ARHGAP45: variants seen among roughly 807,000 people sequenced by gnomAD.
ARHGAP45 encodes the protein Rho GTPase activating protein 45, also known as rho GTPase-activating protein 45.
A neutral mutation model predicts 116.1 loss-of-function variants in ARHGAP45; 56 were observed. The ratio of observed to expected loss-of-function variants is 0.48; its 90% CI spans 0.39 to 0.60. ARHGAP45 has a LOEUF of 0.60. ARHGAP45 is among the 20% of genes least tolerant of loss of function. The pLI is 0.00. For synonymous variants in ARHGAP45, 866 were observed against 701.7 expected, an observed-to-expected ratio of 1.23 and a Z score of -3.70; for missense variants, 1,622 against 1,601.0, an observed-to-expected ratio of 1.01 and a Z score of -0.22.
intron 19 of ARHGAP45, 98 bp downstream of exon 19, chr19:1,082,059 T>C (rs2043453828): frequency 1.6e-6 from 1 of 643,164 alleles, no homozygotes; most frequent in Non-Finnish European, 2.0e-6. Context: ...AGGACTGAGC[T>C]GGAGCAGGAC....
At position 1,086,090 on chromosome 19, in the gene ARHGAP45, T is replaced by TA; in HGVS notation, c.*84_*85insA. On this transcript the variant is annotated 3_prime_UTR_variant, in exon 23 of 23. Transcript: ENST00000313093. ...CACGTCCCCTGCACCACGGCATAGC[T>TA]TAGGTGCGCCGTCCTGGGGTCGCTG... 1 of 1,263,012 alleles carries TA rather than the reference T, an allele frequency of 7.9e-7. No homozygotes were observed. The highest frequency in any genetic ancestry group is 1.1e-6 in the Non-Finnish European group (1 of 898,996). The allele number at this position is 1,263,012 out of a possible 1,614,324, so 78.2% of individuals were successfully genotyped here.
chr19:1,085,216 G>A (rs927908148), intron 22 of ARHGAP45, among the ~76,000 whole-genome samples: 1 of 152,186 alleles, frequency 6.6e-6, no homozygotes, highest in African/African-American at 2.4e-5. Context: ...ATGGATGGTG[G>A]CAGGCAAAGG....
chr19:1,082,865 G>T lies in ARHGAP45; in HGVS notation c.2543G>T (p.Arg848Leu). Residue 848 changes from arginine (R) to leucine (L), a missense_variant, in exon 20 of 23, where the codon CGC becomes CTC. This residue lies in a region of ARHGAP45 where 1,334 missense variants were observed against 1,263.8 expected (regional missense o/e 1.06). Coordinates refer to ENST00000313093, the MANE Select transcript of ARHGAP45 (RefSeq NM_012292.5). Reference protein sequence around the residue: ...RQLPEPLISFRLYHELVGLAK... With the variant: ...RQLPEPLISFLLYHELVGLAK... ...CTTCCCGAGCCGCTCATCTCCTTCCGCCTCTACCACGAGCTCGTAGGGCTG... is the reference window on the plus strand; with the variant it reads ...CTTCCCGAGCCGCTCATCTCCTTCCTCCTCTACCACGAGCTCGTAGGGCTG... The T allele has an allele frequency of 6.4e-7, 1 of 1,557,142 alleles. No individual in the cohort carries two copies. Among genetic ancestry groups the T allele is most frequent in the Non-Finnish European group, 8.7e-7 (1 of 1,151,578 alleles).
In ARHGAP45 at chr19:1,086,438, C is replaced by T. The variant is rs113540135; in HGVS notation, c.*432C>T. The T allele has an allele frequency of 2.6e-4, 45 of 174,488 alleles. No homozygotes were observed. The South Asian group carries it at 5.2e-3, about 20-fold the overall frequency. The allele number at this position is 174,488 out of a possible 1,614,324, so 10.8% of individuals were successfully genotyped here. A position where few individuals can be genotyped will look rare whatever the true frequency, so the allele number is the denominator to read the frequency against. On this transcript the variant is annotated 3_prime_UTR_variant, in exon 23 of 23. Transcript: ENST00000313093. ...CCATTCTGGGAGCCGTGGATGGGGG[C>T]GGAGCTGGGGTTTGGTGCAGTTTCC...
At chr19:1,082,306 C>G (rs1338616297) in intron 19 of ARHGAP45, among the ~76,000 whole-genome samples, 1 of 148,370 alleles carries the variant, frequency 6.7e-6, no homozygotes, top group Non-Finnish European at 1.5e-5. Context: ...CTCGGTGGGG[C>G]GTGGCCAGAG....
chr19:1,083,114 T>C (rs1305444940), intron 20 of ARHGAP45, 29 bp from the exon 21 acceptor site: 2 of 1,586,852 alleles, frequency 1.3e-6, no homozygotes. Context: ...CGGGAGCCGC[T>C]CAGCACCTGG....
intron 10 of ARHGAP45, among the ~76,000 whole-genome samples, chr19:1,076,144 C>A (rs990611558): frequency 6.6e-6 from 1 of 152,100 alleles, no homozygotes; most frequent in African/African-American, 2.4e-5. Context: ...AAGCTTGTGC[C>A]CCTGTCTCAA....
chr19:1,066,271 A>C, upstream of ARHGAP45: 4 of 582,936 alleles, frequency 6.9e-6, no homozygotes, highest in Admixed American at 3.5e-5. Flanking sequence ...GAGAGAGTTC[A>C]CACTGCGGGG....
chr19:1,084,098 G>T (rs945563566), intron 21 of ARHGAP45, 140 bp from the exon 22 acceptor site: 7 of 749,548 alleles, frequency 9.3e-6, no homozygotes, highest in Non-Finnish European at 1.6e-5. Context: ...GGTTTCTCGG[G>T]TTTGCTCTTG....
chr19:1,078,350 A>C (rs1190705017), intron 11 of ARHGAP45, among the ~76,000 whole-genome samples: 1 of 151,844 alleles, frequency 6.6e-6, no homozygotes, highest in East Asian at 1.9e-4. Context: ...TCACTGTGTT[A>C]GCCAGGATGG....
Position 1,073,928 on chromosome 19 carries a change from C to A in ARHGAP45, c.724-20C>A. The A allele has an allele frequency of 6.5e-7, 1 of 1,542,684 alleles. No individual in the cohort carries two copies. The highest frequency in any genetic ancestry group is 8.7e-7 in the Non-Finnish European group (1 of 1,143,418). ...AGGGCCCCGCATGGGGCTGGTCTCA[C>A]CTGCGTCTCCGTCCTACAGTCCATG... On this transcript the variant is annotated intron_variant, in intron 5 of 22. Coordinates refer to ENST00000313093, the MANE Select transcript of ARHGAP45 (RefSeq NM_012292.5).
intron 17 of ARHGAP45, 63 bp from the exon 18 acceptor site, chr19:1,081,487 C>T (rs1372325707): frequency 3.5e-6 from 5 of 1,409,164 alleles, no homozygotes; most frequent in Non-Finnish European, 4.7e-6. Flanking sequence ...GGGGTGGAGC[C>T]GCTGGGGGCT....
Position 1,085,886 on chromosome 19 carries a change from C to A in ARHGAP45, c.3291C>A (p.Leu1097=). ...DGDEDGPAQQ[L]SGFNTNQSNN... ...ACGAGGACGGCCCGGCCCAGCAGCT[C>A]TCAGGATTCAACACCAACCAGTCCA... The change falls in exon 23 of 23, where the codon CTC becomes CTA. Residue 1097 remains leucine (L), a synonymous_variant. Coordinates refer to ENST00000313093, the MANE Select transcript of ARHGAP45 (RefSeq NM_012292.5). 1 of 1,612,912 alleles carries A rather than the reference C, an allele frequency of 6.2e-7. No homozygotes were observed. The highest frequency in any genetic ancestry group is 8.5e-7 in the Non-Finnish European group (1 of 1,179,960).
rs1366536223 is a variant in ARHGAP45, at chr19:1,079,241, C to G, written c.1375-462C>G. 4.0e-5 allele frequency among the ~76,000 whole-genome samples: 6 copies of G among 151,508 alleles called. No homozygotes were observed. The South Asian group carries it at 6.3e-4, about 16-fold the overall frequency. ...TCAGGCTGAGTGTGGTGGCTCACAC[C>G]TGTAATCCCAGCCCTTTGGGAGGCT... On this transcript the variant is annotated intron_variant, in intron 11 of 22. Coordinates refer to ENST00000313093, the MANE Select transcript of ARHGAP45 (RefSeq NM_012292.5).
At position 1,074,367 on chromosome 19, in the gene ARHGAP45, A is replaced by G; in HGVS notation, c.953A>G (p.Gln318Arg). ...GAGATGGAGTTTGCCAAGGGCCTGC[A>G]GAAGATCGCTCACAACTGCAGACAG... ...TLEMEFAKGL[Q>R]KIAHNCRQSV... is the part of the protein sequence containing the mutation. Residue 318 changes from glutamine to arginine, a missense_variant, in exon 8 of 23, where the codon CAG (glutamine) becomes CGG (arginine). Coordinates refer to ENST00000313093, the MANE Select transcript of ARHGAP45 (RefSeq NM_012292.5). 1 of 1,605,024 alleles carries G rather than the reference A, an allele frequency of 6.2e-7. No individual in the cohort carries two copies. Among genetic ancestry groups the G allele is most frequent in the East Asian group, 2.2e-5 (1 of 44,714 alleles).
intron 2 of ARHGAP45, among the ~76,000 whole-genome samples, chr19:1,072,376 T>G (rs924301236): frequency 6.6e-6 from 1 of 152,202 alleles, no homozygotes; most frequent in Admixed American, 6.5e-5. Context: ...GCTTTTTTCT[T>G]CTTCCAATTG....
chr19:1,076,359 C>T (rs2043247727), intron 10 of ARHGAP45, among the ~76,000 whole-genome samples: 2 of 152,058 alleles, frequency 1.3e-5, no homozygotes, highest in African/African-American at 2.4e-5. Context: ...TATTAGAGAA[C>T]TTAGGCCTTA....
chr19:1,074,307 T>C (rs375278742), intron 7 of ARHGAP45, 36 bp from the exon 8 acceptor site: 265 of 1,611,786 alleles, frequency 1.6e-4, no homozygotes, highest in Non-Finnish European at 2.1e-4. Context: ...TGGGAAGGCC[T>C]TGTCCCAGCA....
Position 1,075,385 on chromosome 19 carries a change from CA to C in ARHGAP45, c.1185+507del, listed in dbSNP as rs1215365524. 3.3e-5 allele frequency among the ~76,000 whole-genome samples: 5 copies of C among 152,076 alleles called. No individual in the cohort carries two copies. In the South Asian group the frequency reaches 6.2e-4, roughly 19 times the overall value. On this transcript the variant is annotated intron_variant, in intron 10 of 22. Transcript: ENST00000313093. ...GCAGCGTCCCGAGTAGCTGGGATTACAGAAGCACGCCACCACACCTGGCTAA... is the reference window on the plus strand; with the variant it reads ...GCAGCGTCCCGAGTAGCTGGGATTACGAAGCACGCCACCACACCTGGCTAA...
Sources: allele counts gnomAD v4.1 joint callset (sites outside exome capture counted in the v4.1 genomes callset), GRCh38; gene constraint gnomAD v4.1.1; regional missense constraint gnomAD v4.1.1; transcripts MANE v1.5; gene names NCBI Gene and HGNC (gene_info 2026-07-23, HGNC 2026-07-21).